The following GRM5 variants were observed in gnomAD, a reference collection of about 807,000 sequenced individuals.
GRM5 encodes the protein glutamate metabotropic receptor 5.
Under a neutral mutation model 83.1 loss-of-function variants are expected in GRM5, and 19 were observed. That is an observed-to-expected ratio of 0.23 (90% CI 0.16 to 0.34). GRM5 has a LOEUF of 0.34. GRM5 is among the 10% of genes least tolerant of loss of function. The pLI, the probability that GRM5 is intolerant of heterozygous loss-of-function variation, is 1.00. For synonymous variants in GRM5, 675 were observed against 633.6 expected, an observed-to-expected ratio of 1.07 and a Z score of -0.98; for missense variants, 1,160 against 1,588.3, an observed-to-expected ratio of 0.73 and a Z score of 4.58.
chr11:88,860,666 T>C (rs962529674), intron 2 of GRM5, among the ~76,000 whole-genome samples: 7 of 152,212 alleles, frequency 4.6e-5, no homozygotes, highest in Non-Finnish European at 7.3e-5. Flanking sequence ...AGATCTGTGC[T>C]GTCTGGGTTC....
At chr11:88,537,208 C>T (rs1040338299) in intron 8 of GRM5, among the ~76,000 whole-genome samples, 2 of 152,120 alleles carry the variant, frequency 1.3e-5, no homozygotes, top group African/African-American at 4.8e-5. Context: ...AGGCTTTGAG[C>T]ACAATATACG....
At chr11:88,797,325 A>G (rs1943299712) in intron 3 of GRM5, among the ~76,000 whole-genome samples, 1 of 152,064 alleles carries the variant, frequency 6.6e-6, no homozygotes, top group African/African-American at 2.4e-5. Flanking sequence ...AATTTTTAGT[A>G]GAGACGGAGT....
intron 2 of GRM5, among the ~76,000 whole-genome samples, chr11:88,913,789 G>A (rs758465515): frequency 2.0e-5 from 3 of 151,900 alleles, no homozygotes; most frequent in Non-Finnish European, 4.4e-5. Flanking sequence ...ATATCACCAT[G>A]TTGGCCAGGC....
chr11:88,966,630 GT>G (rs1419553650), intron 2 of GRM5, among the ~76,000 whole-genome samples: 5 of 152,004 alleles, frequency 3.3e-5, no homozygotes, highest in African/African-American at 1.2e-4. Flanking sequence ...CTACTGTTGC[GT>G]TTTGGGTATG....
chr11:88,518,811 G>T (rs1055378652), intron 9 of GRM5, among the ~76,000 whole-genome samples: 1 of 151,222 alleles, frequency 6.6e-6, no homozygotes, highest in Non-Finnish European at 1.5e-5. Flanking sequence ...TTCCTTTAGG[G>T]TGGAGATTAT....
At chr11:88,844,740 A>G (rs939536012) in intron 3 of GRM5, among the ~76,000 whole-genome samples, 16 of 152,208 alleles carry the variant, frequency 1.1e-4, no homozygotes, top group Admixed American at 7.9e-4. Context: ...AGGAGTTTGG[A>G]AGAAGTGATT....
At chr11:88,699,595 G>A (rs76194823) in intron 3 of GRM5, among the ~76,000 whole-genome samples, 2,067 of 152,252 alleles carry the variant, frequency 0.014, 21 homozygotes, top group Middle Eastern at 0.054. Context: ...AGCCTGCTTC[G>A]AATGAAGGGT....
intron 8 of GRM5, among the ~76,000 whole-genome samples, chr11:88,564,533 GAT>G (rs777641723): frequency 2.8e-4 from 42 of 152,184 alleles, no homozygotes; most frequent in Non-Finnish European, 1.9e-4. Context: ...GAGTGAGAGA[GAT>G]ATCTGTAATA....
chr11:88,876,436 C>T (rs941786668), intron 2 of GRM5, among the ~76,000 whole-genome samples: 1 of 152,064 alleles, frequency 6.6e-6, no homozygotes, highest in African/African-American at 2.4e-5. Context: ...TGCAATAAGG[C>T]TATATCAGAT....
At chr11:88,648,673 CAA>C (rs920158741) in intron 4 of GRM5, among the ~76,000 whole-genome samples, 12 of 150,322 alleles carry the variant, frequency 8.0e-5, no homozygotes, top group African/African-American at 2.9e-4. Flanking sequence ...AAAAGATTTT[CAA>C]GAGAGAGATT....
intron 3 of GRM5, among the ~76,000 whole-genome samples, chr11:88,670,773 A>C (rs1043423809): frequency 6.6e-6 from 1 of 152,040 alleles, no homozygotes; most frequent in Non-Finnish European, 1.5e-5. Flanking sequence ...ACAGACCAAA[A>C]TGGCAAAAAG....
At chr11:89,030,890 A>C (rs1941245809) in intron 2 of GRM5, among the ~76,000 whole-genome samples, 2 of 152,094 alleles carry the variant, frequency 1.3e-5, no homozygotes, top group South Asian at 4.1e-4. Flanking sequence ...AAAACTAAAC[A>C]TGATTCTAAA....
intron 4 of GRM5, among the ~76,000 whole-genome samples, chr11:88,628,965 T>C (rs1163613835): frequency 6.6e-6 from 1 of 152,174 alleles, no homozygotes. Context: ...CGCAGGCCTC[T>C]AAGTAGCACA....
chr11:88,890,724 G>C (rs1945130772), intron 2 of GRM5, among the ~76,000 whole-genome samples: 2 of 152,220 alleles, frequency 1.3e-5, no homozygotes, highest in Middle Eastern at 3.4e-3. Context: ...CATGGAGTTA[G>C]ATGCTAGAAA....
rs934260338 is a variant in GRM5 at position 88,637,077 on chromosome 11, A to C, written c.1147+16091T>G. ...TATGAACTTTAAAGTAGTTTTTTCC[A>C]ATTCTGTGAAGAAAGTCATTGGTAG... On this transcript the variant is annotated intron_variant, in intron 4 of 9. Transcript: ENST00000305447. Among the ~76,000 whole-genome samples, 26 of 152,004 alleles carry C rather than the reference A, an allele frequency of 1.7e-4. 1 individual carries two copies. The highest frequency in any genetic ancestry group is 6.0e-4 in the African/African-American group (25 of 41,516).
chr11:88,563,328 C>T (rs1462200091), intron 8 of GRM5, among the ~76,000 whole-genome samples: 2 of 152,130 alleles, frequency 1.3e-5, no homozygotes, highest in African/African-American at 4.8e-5. Context: ...TTGCATTTTC[C>T]ATCTGTGTAC....
chr11:88,759,098 G>A (rs966510423), intron 3 of GRM5, among the ~76,000 whole-genome samples: 1 of 152,022 alleles, frequency 6.6e-6, no homozygotes, highest in Non-Finnish European at 1.5e-5. Context: ...ATATAGAACG[G>A]AAACATCATT....
chr11:88,811,753 C>T (rs1203258363), intron 3 of GRM5, among the ~76,000 whole-genome samples: 1 of 151,874 alleles, frequency 6.6e-6, no homozygotes, highest in Non-Finnish European at 1.5e-5. Flanking sequence ...TAAAGCATAC[C>T]ACAGGCACAC....
intron 3 of GRM5, among the ~76,000 whole-genome samples, chr11:88,769,871 T>A (rs565714450): frequency 1.3e-5 from 2 of 152,140 alleles, no homozygotes; most frequent in Admixed American, 1.3e-4. Context: ...CACTGTTAAG[T>A]ATGAGCTGTG....
Sources: allele counts gnomAD v4.1 joint callset (sites outside exome capture counted in the v4.1 genomes callset), GRCh38; gene constraint gnomAD v4.1.1; transcripts MANE v1.5; gene names NCBI Gene and HGNC (gene_info 2026-07-23, HGNC 2026-07-21).